Variants in PAM observed in about 807,000 individuals in gnomAD.
The protein encoded by PAM is peptidyl-glycine alpha-amidating monooxygenase.
Under a neutral mutation model 122.1 loss-of-function variants are expected in PAM, and 72 were observed. The ratio of observed to expected loss-of-function variants is 0.59; its 90% CI spans 0.49 to 0.72. The LOEUF is 0.72. PAM is among the 30% of genes least tolerant of loss of function. The pLI is 0.00. For synonymous variants in PAM, 389 were observed against 404.4 expected (o/e 0.96, Z 0.46); for missense variants, 1,106 against 1,183.7 (o/e 0.93, Z 0.96).
chr5:102,977,300 C>T (rs1000714040), intron 15 of PAM, among the ~76,000 whole-genome samples: 27 of 152,016 alleles, frequency 1.8e-4, no homozygotes, highest in Non-Finnish European at 1.2e-4. Flanking sequence ...CACCTCGTTA[C>T]GGGTTGGATA....
At chr5:103,018,454 G>A (rs1359326913) in intron 22 of PAM, among the ~76,000 whole-genome samples, 1 of 152,146 alleles carries the variant, frequency 6.6e-6, no homozygotes, top group Admixed American at 6.5e-5. Flanking sequence ...TTTGGATAAC[G>A]TTTGCAGTTG....
chr5:102,835,393 A>G (rs752692811), intron 1 of PAM, among the ~76,000 whole-genome samples: 2 of 152,172 alleles, frequency 1.3e-5, no homozygotes, highest in Non-Finnish European at 2.9e-5. Context: ...AGTATATCTG[A>G]CATTGGTGGT....
At chr5:102,987,128 CAA>C (rs1365027802) in intron 15 of PAM, among the ~76,000 whole-genome samples, 1 of 151,968 alleles carries the variant, frequency 6.6e-6, no homozygotes, top group Non-Finnish European at 1.5e-5. Flanking sequence ...TTACAGTAGC[CAA>C]GATATGGAAT....
At chr5:102,856,606 G>C (rs1471742323) in intron 1 of PAM, among the ~76,000 whole-genome samples, 1 of 152,156 alleles carries the variant, frequency 6.6e-6, no homozygotes, top group Non-Finnish European at 1.5e-5. Flanking sequence ...TATATGTCTT[G>C]TTATTTTCCC....
chr5:102,954,911 T>C (rs1333875716), intron 12 of PAM, among the ~76,000 whole-genome samples: 2 of 152,126 alleles, frequency 1.3e-5, no homozygotes, highest in Non-Finnish European at 2.9e-5. Flanking sequence ...TGTTCATGGA[T>C]ACCAACATAG....
At chr5:102,836,897 A>AGAGAGAGAGAGAGG (rs757331974) in intron 1 of PAM, among the ~76,000 whole-genome samples, 1 of 146,544 alleles carries the variant, frequency 6.8e-6, no homozygotes, top group African/African-American at 2.5e-5. Flanking sequence ...AGAGAGAGAG[A>AGAGAGAGAGAGAGG]GGTGCAAAAT....
chr5:102,761,480 C>G (rs569093863), intron 1 of PAM, among the ~76,000 whole-genome samples: 1 of 152,266 alleles, frequency 6.6e-6, no homozygotes, highest in South Asian at 2.1e-4. Flanking sequence ...AAAACAAAAA[C>G]AGTGGTAGAA....
intron 1 of PAM, among the ~76,000 whole-genome samples, chr5:102,841,021 T>C (rs1166774850): frequency 7.7e-6 from 1 of 130,014 alleles, no homozygotes; most frequent in African/African-American, 3.2e-5. Flanking sequence ...AGAAGAAACA[T>C]ACTCTTTATG....
At chr5:102,778,848 G>A (rs932018685) in intron 1 of PAM, among the ~76,000 whole-genome samples, 5 of 152,152 alleles carry the variant, frequency 3.3e-5, no homozygotes, top group African/African-American at 9.7e-5. Context: ...TGCTATACAG[G>A]TCAGGTTTAC....
chr5:102,801,599 C>T (rs962467946), intron 1 of PAM, among the ~76,000 whole-genome samples: 1 of 152,088 alleles, frequency 6.6e-6, no homozygotes, highest in Non-Finnish European at 1.5e-5. Context: ...GCGTTATAAC[C>T]CACATCCTGC....
intron 24 of PAM, 120 bp downstream of exon 24, chr5:103,025,454 C>T (rs1784700454): frequency 6.7e-6 from 5 of 748,846 alleles, no homozygotes; most frequent in African/African-American, 5.3e-5. Flanking sequence ...TTTTAATGCT[C>T]TCTACCATTT....
intron 1 of PAM, among the ~76,000 whole-genome samples, chr5:102,849,284 C>T (rs73192705): frequency 0.026 from 3,909 of 152,172 alleles, 140 homozygotes; most frequent in East Asian, 0.18. Context: ...TGGCCGGACG[C>T]GGTGCCTCAC....
intron 3 of PAM, among the ~76,000 whole-genome samples, chr5:102,884,541 T>C (rs974295311): frequency 1.3e-5 from 2 of 151,964 alleles, no homozygotes; most frequent in African/African-American, 2.4e-5. Flanking sequence ...ACCATGCATA[T>C]CTTTTCCACA....
intron 3 of PAM, among the ~76,000 whole-genome samples, chr5:102,879,961 T>C (rs1790435249): frequency 6.6e-6 from 1 of 152,164 alleles, no homozygotes; most frequent in Admixed American, 6.6e-5. Flanking sequence ...CTGACACATT[T>C]CTCAGAACAT....
In PAM at chr5:102,890,644, G is replaced by T. The variant is rs371138197; in HGVS notation, c.211-10712G>T. 2.1e-4 allele frequency among the ~76,000 whole-genome samples: 32 copies of T among 151,908 alleles called. No homozygotes were observed. The East Asian group carries it at 4.7e-3, about 22-fold the overall frequency. The stretch of plus-strand genomic sequence containing the variant: ...TAATTTAGAATTGTTTAATTTAATT[G>T]TACTTACCATGATGTGTGGATTTGT... On this transcript the variant is annotated intron_variant, in intron 3 of 25. Transcript: ENST00000438793.
At chr5:102,799,194 G>T (rs1192244176) in intron 1 of PAM, among the ~76,000 whole-genome samples, 2 of 152,144 alleles carry the variant, frequency 1.3e-5, no homozygotes, top group African/African-American at 2.4e-5. Flanking sequence ...AATCACATCG[G>T]ATTTGGCATT....
intron 1 of PAM, among the ~76,000 whole-genome samples, chr5:102,849,192 T>C (rs1008941016): frequency 1.3e-5 from 2 of 152,056 alleles, no homozygotes; most frequent in African/African-American, 4.8e-5. Context: ...AACACAATCA[T>C]GGATATAGCT....
intron 17 of PAM, among the ~76,000 whole-genome samples, chr5:103,004,428 G>GA (rs754692078): frequency 3.3e-5 from 5 of 151,924 alleles, no homozygotes; most frequent in African/African-American, 4.8e-5. Flanking sequence ...TATGGCTTAT[G>GA]AAAAAAAATC....
At chr5:102,894,288 C>T (rs887048804) in intron 3 of PAM, among the ~76,000 whole-genome samples, 3 of 151,584 alleles carry the variant, frequency 2.0e-5, no homozygotes, top group African/African-American at 7.3e-5. Flanking sequence ...GATATTAACA[C>T]AAAAGGTAGA....
Sources: gnomAD v4.1 joint callset for allele counts (sites outside exome capture counted in the v4.1 genomes callset) on GRCh38, gnomAD v4.1.1 for gene constraint, MANE v1.5 for transcripts, NCBI Gene and HGNC (gene_info 2026-07-23, HGNC 2026-07-21) for gene names.